Variants in PABIR3 observed in about 807,000 individuals in gnomAD.
PABIR3 encodes PABIR family member 3, also known as PABIR family member 1.
A neutral mutation model predicts 23.1 loss-of-function variants in PABIR3; 20 were observed. The ratio of observed to expected loss-of-function variants is 0.86; its 90% CI spans 0.61 to 1.26. The LOEUF is 1.26. Ranked by LOEUF, PABIR3 falls within the 50% of genes most tolerant of loss-of-function variation. PABIR3 has a pLI of 0.00. For missense variants in PABIR3, 189 were observed against 195.4 expected, an observed-to-expected ratio of 0.97 and a Z score of 0.20; for synonymous variants, 69 against 68.5, an observed-to-expected ratio of 1.01 and a Z score of -0.04.
At chrX:134,828,069 A>ATG (rs1556328444) in intron 3 of PABIR3, among the ~76,000 whole-genome samples, 1 of 98,857 alleles carries the variant, frequency 1.0e-5, no homozygotes, top group Non-Finnish European at 2.0e-5. Context: ...ATATATATAT[A>ATG]TGTATATTTG....
chrX:134,861,910 A>G, the PABIR3 span, among the ~76,000 whole-genome samples: 1 of 110,177 alleles, frequency 9.1e-6, no homozygotes. Flanking sequence ...TTTAACCCAC[A>G]TTCTCTTGTT....
chrX:134,801,040 T>G (rs1416904136), intron 1 of PABIR3, among the ~76,000 whole-genome samples: 3 of 112,243 alleles, frequency 2.7e-5, no homozygotes, highest in Admixed American at 1.9e-4. Flanking sequence ...CCAGGCGCCA[T>G]TGTGATAGGG....
chrX:134,808,228 C>A, intron 2 of PABIR3: 1 of 293,625 alleles, frequency 3.4e-6, no homozygotes, highest in South Asian at 2.1e-4. Context: ...CTTGCTCTGT[C>A]GCCCAGGCTG....
At position 134,851,705 on chromosome X, in the gene PABIR3, A is replaced by G. The variant is rs148487979; in HGVS notation, c.590-1095A>G. 6.5e-3 allele frequency among the ~76,000 whole-genome samples: 724 copies of G among 112,160 alleles called. 2 individuals are homozygous for G. Among genetic ancestry groups the G allele is most frequent in the African/African-American group, 0.022 (694 of 30,921 alleles). On this transcript the variant is annotated intron_variant, in intron 9 of 10. Coordinates refer to ENST00000645433, the MANE Select transcript of PABIR3 (RefSeq NM_001388447.1). The stretch of plus-strand genomic sequence containing the variant: ...TTTGATTTGTCATGTTTTCAATGTT[A>G]AACCAAAAAAGAGAGCTGAGTAGTT...
chrX:134,818,137 T>C (rs1004869748), intron 3 of PABIR3, among the ~76,000 whole-genome samples: 2 of 110,826 alleles, frequency 1.8e-5, no homozygotes, highest in Non-Finnish European at 3.8e-5. Flanking sequence ...GCAAGAAGAG[T>C]AGATTTACAA....
intron 3 of PABIR3, chrX:134,822,779 A>T (rs1316940827): frequency 9.4e-6 from 3 of 317,709 alleles, no homozygotes; most frequent in Non-Finnish European, 1.2e-5. Context: ...AGCGGGGAGG[A>T]TGTGAGGAGG....
chrX:134,832,032 C>G (rs1004476786), intron 4 of PABIR3, among the ~76,000 whole-genome samples: 2 of 111,224 alleles, frequency 1.8e-5, no homozygotes, highest in Non-Finnish European at 3.8e-5. Flanking sequence ...ATTCCCGGCA[C>G]TTTGGGAGGC....
At chrX:134,825,215 CAG>C (rs746512132) in intron 3 of PABIR3, among the ~76,000 whole-genome samples, 6 of 112,229 alleles carry the variant, frequency 5.3e-5, no homozygotes, top group Middle Eastern at 4.6e-3. Flanking sequence ...TGCTGGGTAA[CAG>C]GGGACAGATA....
At chrX:134,822,749 C>A in intron 3 of PABIR3, 1 of 484,281 alleles carries the variant, frequency 2.1e-6, no homozygotes, top group Non-Finnish European at 2.5e-6. Context: ...AAGGAAACAA[C>A]AGACACTAGG....
At chrX:134,839,736 T>C (rs935342297) in intron 4 of PABIR3, 1 of 90,899 alleles carries the variant, frequency 1.1e-5, no homozygotes, top group African/African-American at 4.5e-5. Context: ...GGGAGGGAGG[T>C]GGGGGGGTCA....
In PABIR3 at chrX:134,845,390, G is replaced by A; in HGVS notation, c.334G>A (p.Gly112Ser). Residue 112 changes from glycine to serine, a missense_variant, in exon 6 of 11, where the codon GGC becomes AGC. By Grantham distance (56) the Gly-to-Ser change is moderately conservative. Coordinates refer to ENST00000645433, the MANE Select transcript of PABIR3 (RefSeq NM_001388447.1). ...ACAGATAAGTCACTCTTGGGAAGAA[G>A]GCTTGAAACTGGTATGATATTATAA... is the stretch of plus-strand genomic sequence containing the variant. ...EIQISHSWEE[G>S]LKLNDNGLQK... The A allele has an allele frequency of 3.3e-6, 4 of 1,202,360 alleles. No individual in the cohort carries two copies. The highest frequency in any genetic ancestry group is 4.5e-5 in the Admixed American group (2 of 44,239).
At chrX:134,804,036 G>A (rs2080133314), upstream of PABIR3, 1 of 333,945 alleles carries the variant, frequency 3.0e-6, no homozygotes, top group Non-Finnish European at 5.3e-6. Context: ...GTAGCTTCAA[G>A]GTTGTCATGA....
intron 4 of PABIR3, among the ~76,000 whole-genome samples, chrX:134,830,362 T>C (rs1221592490): frequency 1.0e-5 from 1 of 96,911 alleles, no homozygotes; most frequent in Non-Finnish European, 2.1e-5. Flanking sequence ...AGACAGAGTT[T>C]CGCTCTGTTG....
chrX:134,844,747 C>T (rs1345538518), intron 4 of PABIR3, among the ~76,000 whole-genome samples: 1 of 111,369 alleles, frequency 9.0e-6, no homozygotes. Context: ...TTATGTTTGT[C>T]TCATCATTTA....
intron 4 of PABIR3, among the ~76,000 whole-genome samples, chrX:134,841,786 G>A (rs2082242784): frequency 9.1e-6 from 1 of 110,037 alleles, no homozygotes; most frequent in African/African-American, 3.3e-5. Context: ...CCGAGATCGT[G>A]TCACTGCTCT....
At chrX:134,825,828 C>CTTTTTTTT (rs61066719) in intron 3 of PABIR3, among the ~76,000 whole-genome samples, 25 of 73,823 alleles carry the variant, frequency 3.4e-4, no homozygotes, top group East Asian at 4.4e-4. Flanking sequence ...ACGCCCGGAT[C>CTTTTTTTT]TTTTTTTTTT....
chrX:134,823,410 A>G (rs1830389482), intron 3 of PABIR3, among the ~76,000 whole-genome samples: 1 of 111,425 alleles, frequency 9.0e-6, no homozygotes, highest in Non-Finnish European at 1.9e-5. Flanking sequence ...TTCATGTTAT[A>G]TATTGTGAAT....
chrX:134,817,884 T>C (rs1470565169), intron 3 of PABIR3, among the ~76,000 whole-genome samples: 1 of 111,505 alleles, frequency 9.0e-6, no homozygotes, highest in Non-Finnish European at 1.9e-5. Context: ...GAAAGTGGAT[T>C]GGAAGAGGGC....
chrX:134,814,412 T>C (rs896711674), intron 2 of PABIR3, among the ~76,000 whole-genome samples: 5 of 111,841 alleles, frequency 4.5e-5, no homozygotes, highest in Admixed American at 2.9e-4. Flanking sequence ...TAAAAGAATT[T>C]TGTGGCCGGG....
Sources: allele counts gnomAD v4.1 joint callset (sites outside exome capture counted in the v4.1 genomes callset), GRCh38; gene constraint gnomAD v4.1.1; transcripts MANE v1.5; gene names NCBI Gene and HGNC (gene_info 2026-07-23, HGNC 2026-07-21).